Variants in VPS13C observed in about 807,000 individuals in gnomAD.
The protein encoded by VPS13C is vacuolar protein sorting 13 homolog C, also known as intermembrane lipid transfer protein VPS13C.
VPS13C carries 358 observed loss-of-function variants against 456.8 expected under a neutral mutation model. That is an observed-to-expected ratio of 0.78 (90% confidence interval 0.72 to 0.86). The LOEUF is 0.86. Ranked by LOEUF, VPS13C falls within the 40% of genes least tolerant of loss-of-function variation. VPS13C has a pLI of 0.00. For synonymous variants in VPS13C, 1,578 were observed against 1,486.7 expected, an observed-to-expected ratio of 1.06 and a Z score of -1.41; for missense variants, 4,818 against 4,385.4, an observed-to-expected ratio of 1.10 and a Z score of -2.79.
In VPS13C at chr15:61,922,560, A is replaced by G; in HGVS notation, c.6812T>C (p.Leu2271Pro). 1 of 1,614,136 alleles carries G rather than the reference A, an allele frequency of 6.2e-7. No individual in the cohort carries two copies. The highest frequency in any genetic ancestry group is 8.5e-7 in the Non-Finnish European group (1 of 1,179,990). ...AACAACACCACAATTTTCCTCTATC[A>G]GTGAATGTTCAATGCCTTTGAAGCT... Reference protein sequence around the residue: ...TESFKGIEHSLIEENCGVVVE... With the variant: ...TESFKGIEHSPIEENCGVVVE... Residue 2271 changes from leucine (L) to proline (P), a missense_variant, in exon 54 of 85, where the codon CTG (leucine) becomes CCG (proline). Around this residue, in one of 3 missense-constraint regions of VPS13C, gnomAD observed 4,552 missense variants for 4,130.6 expected, o/e 1.10. Transcript: ENST00000644861.
rs1175376094 is a variant in VPS13C, at chr15:61,982,522, G to A, written c.1966C>T (p.Leu656Phe). ...AATGTTGCTGATGTTATTTGCTCAA[G>A]ATCCAATCCCTTATTTGATTGAAAG... Reference protein sequence around the residue: ...EFFQSNKGLDLEQITSATLMK... With the variant: ...EFFQSNKGLDFEQITSATLMK... The change falls in exon 21 of 85, where the codon CTT becomes TTT. Residue 656 changes from leucine to phenylalanine, a missense_variant. Physicochemically the swap from Leu to Phe is conservative, Grantham distance 22. Coordinates refer to ENST00000644861, the MANE Select transcript of VPS13C (RefSeq NM_020821.3). 1 of 1,609,838 alleles carries A rather than the reference G, an allele frequency of 6.2e-7. No homozygotes were observed. Among genetic ancestry groups the A allele is most frequent in the Non-Finnish European group, 8.5e-7 (1 of 1,178,778 alleles).
chr15:61,952,103 C>T (rs1464721222), intron 38 of VPS13C, 123 bp from the exon 39 acceptor site: 4 of 1,119,812 alleles, frequency 3.6e-6, no homozygotes, highest in Non-Finnish European at 5.0e-6. Flanking sequence ...AAGATGTGTA[C>T]TTCTATTTGT....
At position 61,878,737 on chromosome 15, in the gene VPS13C, T is replaced by A; in HGVS notation, c.10012A>T (p.Ser3338Cys). 6.2e-7 allele frequency: 1 copy of A among 1,601,156 alleles called. No individual in the cohort carries two copies. The highest frequency in any genetic ancestry group is 2.2e-5 in the East Asian group (1 of 44,654). The change falls in exon 74 of 85, where the codon AGT becomes TGT. Residue 3338 changes from serine (S) to cysteine (C), a missense_variant. Around this residue, in one of 3 missense-constraint regions of VPS13C, gnomAD observed 4,552 missense variants for 4,130.6 expected, o/e 1.10. Coordinates refer to ENST00000644861, the MANE Select transcript of VPS13C (RefSeq NM_020821.3). ...TCACCTCCGGAACCCAAAGACAAAC[T>A]CAAATGCAACTAAAAGAAAAATAAT... ...FHISPVKLHLSLSLGSGGEES... is the reference protein window; with the variant it reads ...FHISPVKLHLCLSLGSGGEES...
At chr15:61,909,718 A>G (rs553948104) in intron 64 of VPS13C, among the ~76,000 whole-genome samples, 1 of 152,314 alleles carries the variant, frequency 6.6e-6, no homozygotes, top group East Asian at 1.9e-4. Context: ...AAAGGACATG[A>G]ACTCATCATT....
intron 59 of VPS13C, 41 bp downstream of exon 59, chr15:61,918,095 C>T: frequency 6.5e-7 from 1 of 1,533,018 alleles, no homozygotes; most frequent in Non-Finnish European, 8.7e-7. Flanking sequence ...AAATCCCCAA[C>T]TCAATACATT....
In VPS13C at chr15:61,970,859, TAAAAA is replaced by T. The variant is rs71125959; in HGVS notation, c.2758-1412_2758-1408del. 9.2e-4 allele frequency among the ~76,000 whole-genome samples: 116 copies of T among 125,850 alleles called. 1 individual carries two copies. Among genetic ancestry groups the T allele is most frequent in the African/African-American group, 3.2e-3 (106 of 33,104 alleles). 82.6% of individuals were successfully genotyped at this position (125,850 alleles called of 152,430 possible). Reference sequence around the variant, plus strand: ...ATTGAACAAATACCTGAAGTTAGTTTAAAAAAAAAAAAAAAAAAAAAATCAAGCCA... The same window carrying T: ...ATTGAACAAATACCTGAAGTTAGTTTAAAAAAAAAAAAAAAAATCAAGCCA... On this transcript the variant is annotated intron_variant, in intron 27 of 84. Coordinates refer to ENST00000644861, the MANE Select transcript of VPS13C (RefSeq NM_020821.3).
intron 23 of VPS13C, among the ~76,000 whole-genome samples, chr15:61,977,452 AC>A (rs774838414): frequency 2.6e-5 from 4 of 152,006 alleles, no homozygotes; most frequent in Non-Finnish European, 5.9e-5. Flanking sequence ...GAGAATGTTC[AC>A]ATAACATCTT....
At chr15:61,897,191 G>A (rs1214323825) in intron 66 of VPS13C, among the ~76,000 whole-genome samples, 1 of 152,200 alleles carries the variant, frequency 6.6e-6, no homozygotes, top group Non-Finnish European at 1.5e-5. Context: ...AAAGAGCGGA[G>A]CACCTCTCCT....
intron 44 of VPS13C, 90 bp downstream of exon 44, chr15:61,946,217 A>T: frequency 3.0e-6 from 3 of 1,010,784 alleles, no homozygotes; most frequent in Middle Eastern, 3.3e-4. Context: ...TACATGACAG[A>T]TAATAAATGT....
In VPS13C at chr15:61,915,724, C is replaced by G; in HGVS notation, c.8354G>C (p.Arg2785Pro). 1 of 1,614,026 alleles carries G rather than the reference C, an allele frequency of 6.2e-7. No individual in the cohort carries two copies. Among genetic ancestry groups the G allele is most frequent in the Non-Finnish European group, 8.5e-7 (1 of 1,180,012 alleles). The change falls in exon 61 of 85, where the codon CGT becomes CCT. Residue 2785 changes from arginine to proline, a missense_variant. By Grantham distance (103) the Arg-to-Pro change is moderately radical. Around this residue, in one of 3 missense-constraint regions of VPS13C, gnomAD observed 4,552 missense variants for 4,130.6 expected, o/e 1.10. Coordinates refer to ENST00000644861, the MANE Select transcript of VPS13C (RefSeq NM_020821.3). ...ATGTTTCACATGAATATCTTCTGAA[C>G]GATACTGGAGAACCCGGGTAGTCTT... is the stretch of plus-strand genomic sequence containing the variant. ...INKTTRVLQYRSEDIHVKHPA... is the reference protein window; with the variant it reads ...INKTTRVLQYPSEDIHVKHPA...
In VPS13C at chr15:61,912,023, C is replaced by T. The variant is rs748164160; in HGVS notation, c.8551-19G>A. 2 of 1,545,466 alleles carry T rather than the reference C, an allele frequency of 1.3e-6. No individual in the cohort carries two copies. The highest frequency in any genetic ancestry group is 1.7e-6 in the Non-Finnish European group (2 of 1,143,594). ...CACCAACCTGTGGAAAGGAAAAAAG[C>T]TTATTTTCCAGTTTATTCAATGTCT... On this transcript the variant is annotated intron_variant, in intron 62 of 84. Coordinates refer to ENST00000644861, the MANE Select transcript of VPS13C (RefSeq NM_020821.3).
At chr15:61,998,454 T>C (rs1358094300) in intron 16 of VPS13C, among the ~76,000 whole-genome samples, 1 of 152,232 alleles carries the variant, frequency 6.6e-6, no homozygotes, top group Non-Finnish European at 1.5e-5. Flanking sequence ...AAATCACGTG[T>C]TTAGTAACTG....
Position 61,880,846 on chromosome 15 carries a change from T to A in VPS13C, c.9885A>T (p.Arg3295Ser), listed in dbSNP as rs762698556. Residue 3295 changes from arginine to serine, a missense_variant, in exon 72 of 85, where the codon AGA becomes AGT. By Grantham distance (110) the Arg-to-Ser change is moderately radical. Transcript: ENST00000644861. ...TPTTDPEAER[R>S]RTKLIQQDID... Reference sequence around the variant, plus strand: ...CCCAAGAAATAAAAATTTTTACCCGTCTTCTTTCAGCTTCAGGGTCTGTTG... The same window carrying A: ...CCCAAGAAATAAAAATTTTTACCCGACTTCTTTCAGCTTCAGGGTCTGTTG... The A allele has an allele frequency of 6.3e-7, 1 of 1,585,300 alleles. No homozygotes were observed. The highest frequency in any genetic ancestry group is 1.4e-5 in the African/African-American group (1 of 73,064).
chr15:61,908,988 A>G lies in VPS13C; in HGVS notation c.8978+4T>C, dbSNP rs762412950. On this transcript the variant is annotated splice_donor_region_variant and intron_variant, in intron 65 of 84. Coordinates refer to ENST00000644861, the MANE Select transcript of VPS13C (RefSeq NM_020821.3). ...TATTTCCCATTAACCCTTTTTTCTC[A>G]TACCTCTGTTTGTATGTGAGGATGT... 3.4e-5 allele frequency: 55 copies of G among 1,609,856 alleles called. No individual in the cohort carries two copies. The highest frequency in any genetic ancestry group is 4.6e-5 in the Non-Finnish European group (54 of 1,178,672).
At position 61,920,754 on chromosome 15, in the gene VPS13C, C is replaced by T. The variant is rs183176420; in HGVS notation, c.7063-107G>A. The T allele has an allele frequency of 1.6e-5, 16 of 986,478 alleles. No homozygotes were observed. The East Asian group carries it at 3.1e-4, about 19-fold the overall frequency. 61.1% of individuals were successfully genotyped at this position (986,478 alleles called of 1,614,324 possible). A position where few individuals can be genotyped will look rare whatever the true frequency, so the allele number is the denominator to read the frequency against. On this transcript the variant is annotated intron_variant, in intron 55 of 84. Transcript: ENST00000644861. The stretch of plus-strand genomic sequence containing the variant: ...AACTGATCACTTTATAGTAATGCTT[C>T]GCAAAAGTCTTATTTTCAAAAATAT...
intron 75 of VPS13C, among the ~76,000 whole-genome samples, 195 bp downstream of exon 75, chr15:61,876,778 G>A (rs1403205375): frequency 6.6e-6 from 1 of 151,854 alleles, no homozygotes; most frequent in Non-Finnish European, 1.5e-5. Context: ...GGAACTGGAG[G>A]AAAATTTTCA....
intron 66 of VPS13C, among the ~76,000 whole-genome samples, chr15:61,891,977 T>C (rs1022790873): frequency 1.3e-5 from 2 of 152,140 alleles, no homozygotes; most frequent in Non-Finnish European, 2.9e-5. Context: ...ACAATGCCTC[T>C]CCCCGAATCT....
intron 6 of VPS13C, among the ~76,000 whole-genome samples, chr15:62,026,017 TTAG>T (rs2047623828): frequency 6.6e-6 from 1 of 151,278 alleles, no homozygotes; most frequent in Non-Finnish European, 1.5e-5. Flanking sequence ...AATGTCTCAC[TTAG>T]TAGAAGACAG....
intron 48 of VPS13C, 21 bp downstream of exon 48, chr15:61,936,568 TCCATAAAG>T: frequency 6.7e-7 from 1 of 1,500,174 alleles, no homozygotes; most frequent in African/African-American, 1.4e-5. Context: ...CAATTTTTTC[TCCATAAAG>T]TAAATATCAT....
Sources: allele counts gnomAD v4.1 joint callset (sites outside exome capture counted in the v4.1 genomes callset), GRCh38; gene constraint gnomAD v4.1.1; regional missense constraint gnomAD v4.1.1; transcripts MANE v1.5; gene names NCBI Gene and HGNC (gene_info 2026-07-23, HGNC 2026-07-21).